Variants in DBH observed in about 807,000 individuals in gnomAD.
DBH encodes the protein dopamine beta-hydroxylase (dopamine beta-monooxygenase).
DBH carries 49 observed loss-of-function variants against 64.0 expected under a neutral mutation model. That is an observed-to-expected ratio of 0.77 (90% confidence interval 0.61 to 0.97). DBH has a LOEUF of 0.97. Ranked by LOEUF, DBH falls within the 50% of genes least tolerant of loss-of-function variation. DBH has a pLI of 0.00. For synonymous variants in DBH, 343 were observed against 347.1 expected (o/e 0.99, Z 0.13); for missense variants, 828 against 826.6 (o/e 1.00, Z -0.02).
intron 9 of DBH, among the ~76,000 whole-genome samples, chr9:133,654,369 A>G (rs1225307552): frequency 2.0e-5 from 3 of 152,210 alleles, no homozygotes; most frequent in African/African-American, 4.8e-5. Flanking sequence ...GGCATGAGCC[A>G]TAGCACCCAG....
chr9:133,653,880 G>A (rs1338905496), intron 9 of DBH, among the ~76,000 whole-genome samples: 1 of 152,192 alleles, frequency 6.6e-6, no homozygotes, highest in Non-Finnish European at 1.5e-5. Context: ...TGGCAAATGG[G>A]CCACCTTGCC....
chr9:133,653,325 G>A (rs182799951), intron 9 of DBH, among the ~76,000 whole-genome samples: 50 of 152,278 alleles, frequency 3.3e-4, no homozygotes, highest in Non-Finnish European at 4.3e-4. Context: ...CTCAGCACCC[G>A]GGGCTGGTGT....
At chr9:133,646,898 T>C (rs1194468814) in intron 5 of DBH, among the ~76,000 whole-genome samples, 1 of 152,132 alleles carries the variant, frequency 6.6e-6, no homozygotes, top group East Asian at 1.9e-4. Context: ...ACTCTCCAAT[T>C]AGCAAACGGC....
chr9:133,644,451 T>C, intron 5 of DBH, 131 bp downstream of exon 5: 1 of 771,972 alleles, frequency 1.3e-6, no homozygotes, highest in South Asian at 1.5e-5. Context: ...ACGAGGCCCT[T>C]GCGTCTGCCT....
Position 133,643,086 on chromosome 9 carries a change from C to T in DBH, c.745-327C>T, listed in dbSNP as rs1021890642. Among the ~76,000 whole-genome samples the T allele has an allele frequency of 8.5e-5, 13 of 152,162 alleles. No homozygotes were observed. Among genetic ancestry groups the T allele is most frequent in the Admixed American group, 6.5e-4 (10 of 15,282 alleles). The stretch of plus-strand genomic sequence containing the variant: ...TGGCCTTGAAGGTGCGCTTTGGGCC[C>T]GGGCTCTAACCTCAGGGCTGCCCTG... On this transcript the variant is annotated intron_variant, in intron 3 of 11. Transcript: ENST00000393056. This position sits in a 1 kb window ranked among gnomAD's most constrained non-coding sequence, Gnocchi z 5.3.
chr9:133,652,103 C>T, intron 7 of DBH, 143 bp from the exon 8 acceptor site: 1 of 898,412 alleles, frequency 1.1e-6, no homozygotes, highest in Non-Finnish European at 1.8e-6. Context: ...ACTTAGCGGG[C>T]TCTGGCTTCC....
intron 5 of DBH, 59 bp from the exon 6 acceptor site, chr9:133,647,787 G>T: frequency 6.2e-7 from 1 of 1,604,378 alleles, no homozygotes. Flanking sequence ...TCTGTCCGCA[G>T]GGGGAAGTGA....
chr9:133,654,718 C>T (rs1462705859), intron 9 of DBH: 1 of 152,352 alleles, frequency 6.6e-6, no homozygotes, highest in African/African-American at 2.4e-5. Context: ...TTGCTGAGAC[C>T]TCTGAGCAAT....
chr9:133,645,012 C>A (rs905480299), intron 5 of DBH, among the ~76,000 whole-genome samples: 2 of 152,212 alleles, frequency 1.3e-5, no homozygotes, highest in Admixed American at 1.3e-4. Flanking sequence ...CACATGCACA[C>A]ACTTTTTCTC....
At chr9:133,649,081 T>G (rs1401531965) in intron 6 of DBH, among the ~76,000 whole-genome samples, 1 of 152,150 alleles carries the variant, frequency 6.6e-6, no homozygotes, top group African/African-American at 2.4e-5. Context: ...TTTTCTGTCA[T>G]TTGGGAGGAA....
intron 2 of DBH, among the ~76,000 whole-genome samples, chr9:133,641,267 G>A (rs1832112951): frequency 6.6e-6 from 1 of 152,240 alleles, no homozygotes; most frequent in African/African-American, 2.4e-5. Flanking sequence ...GTACCCAGGG[G>A]TTCGGGGTGT....
chr9:133,639,746 T>C (rs1415282165), intron 1 of DBH, 100 bp from the exon 2 acceptor site: 7 of 1,327,968 alleles, frequency 5.3e-6, no homozygotes, highest in Non-Finnish European at 7.3e-6. Context: ...CCAGATCAGC[T>C]GGCAATGAAT....
At chr9:133,640,429 C>G (rs867323175) in intron 2 of DBH, among the ~76,000 whole-genome samples, 49 of 152,292 alleles carry the variant, frequency 3.2e-4, no homozygotes, top group African/African-American at 1.1e-3. Context: ...CTCCTCTGGA[C>G]CTCACTTTGC....
chr9:133,656,391 C>T (rs1832319188), intron 9 of DBH, 132 bp from the exon 10 acceptor site: 1 of 1,300,838 alleles, frequency 7.7e-7, no homozygotes, highest in African/African-American at 1.5e-5. Flanking sequence ...GACTCGGTTC[C>T]CCAGAGCATG....
At chr9:133,642,141 T>C (rs1832122888) in intron 2 of DBH, 66 bp from the exon 3 acceptor site, 2 of 1,600,062 alleles carry the variant, frequency 1.2e-6, no homozygotes, top group African/African-American at 2.7e-5. Context: ...GGATGTGGCA[T>C]CCTCTCAGGA....
intron 8 of DBH, 79 bp from the exon 9 acceptor site, chr9:133,652,861 T>G (rs1832267577): frequency 1.0e-6 from 1 of 956,280 alleles, no homozygotes; most frequent in Non-Finnish European, 1.7e-6. Context: ...CACAGTGGCG[T>G]GGTCCTATGG....
intron 9 of DBH, among the ~76,000 whole-genome samples, chr9:133,654,216 G>A (rs1832286226): frequency 6.6e-6 from 1 of 152,084 alleles, no homozygotes; most frequent in African/African-American, 2.4e-5. Flanking sequence ...CGATTCTCCT[G>A]CCTCAGCCTC....
intron 5 of DBH, among the ~76,000 whole-genome samples, chr9:133,646,635 T>A (rs2131287972): frequency 6.6e-6 from 1 of 152,046 alleles, no homozygotes; most frequent in East Asian, 1.9e-4. Flanking sequence ...GCGATTCTCC[T>A]GCCTCAGCCT....
chr9:133,636,770 C>G, intron 1 of DBH, 60 bp downstream of exon 1: 1 of 1,469,808 alleles, frequency 6.8e-7, no homozygotes. Flanking sequence ...CCCATCTGGC[C>G]GTCTTTCTGC....
Sources: gnomAD v4.1 joint callset for allele counts (sites outside exome capture counted in the v4.1 genomes callset) on GRCh38, gnomAD v4.1.1 for gene constraint, Gnocchi (gnomAD v3.1) non-coding constraint, MANE v1.5 for transcripts, NCBI Gene and HGNC (gene_info 2026-07-23, HGNC 2026-07-21) for gene names.